PTPRD: variants seen among roughly 807,000 people sequenced by gnomAD.
The protein encoded by PTPRD is receptor-type tyrosine-protein phosphatase delta.
Under a neutral mutation model 214.5 loss-of-function variants are expected in PTPRD, and 34 were observed. That is an observed-to-expected ratio of 0.16 (90% confidence interval 0.12 to 0.21). The LOEUF (loss-of-function observed/expected upper bound fraction) is 0.21. Ranked by LOEUF, PTPRD falls within the 10% of genes least tolerant of loss-of-function variation. PTPRD has a pLI of 1.00. For missense variants in PTPRD, 2,545 were observed against 2,398.7 expected (o/e 1.06, Z -1.27); for synonymous variants, 1,128 against 845.7 (o/e 1.33, Z -5.79).
intron 5 of PTPRD, among the ~76,000 whole-genome samples, chr9:9,778,150 G>A (rs1032850595): frequency 6.6e-6 from 1 of 152,154 alleles, no homozygotes; most frequent in African/African-American, 2.4e-5. Context: ...AAGCTGTGGT[G>A]GATGGAGAGG....
rs2077402422 is a variant in PTPRD at position 9,905,698 on chromosome 9, C to T, written c.-368+32809G>A. Among the ~76,000 whole-genome samples the T allele has an allele frequency of 2.0e-5, 3 of 151,912 alleles. No homozygotes were observed. In the South Asian group the frequency reaches 6.2e-4, roughly 32 times the overall value. Reference sequence around the variant, plus strand: ...ATTTCCTACTGCGTAACTATATTTGCACTACTAATACAGAAGAATTCAAGA... The same window carrying T: ...ATTTCCTACTGCGTAACTATATTTGTACTACTAATACAGAAGAATTCAAGA... On this transcript the variant is annotated intron_variant, in intron 5 of 45. Coordinates refer to ENST00000381196, the MANE Select transcript of PTPRD (RefSeq NM_002839.4).
At chr9:10,602,805 T>C (rs547973520) in intron 2 of PTPRD, among the ~76,000 whole-genome samples, 23 of 151,934 alleles carry the variant, frequency 1.5e-4, no homozygotes, top group African/African-American at 4.3e-4. Flanking sequence ...TTATCTTGCA[T>C]CAGTTAATCA....
intron 12 of PTPRD, among the ~76,000 whole-genome samples, chr9:8,687,882 C>T (rs376546407): frequency 6.6e-6 from 1 of 151,834 alleles, no homozygotes. Context: ...AATTGAGAGG[C>T]CTTGGTTCAA....
intron 8 of PTPRD, among the ~76,000 whole-genome samples, chr9:9,475,447 GA>G (rs1222955009): frequency 6.6e-6 from 1 of 152,192 alleles, no homozygotes; most frequent in Non-Finnish European, 1.5e-5. Flanking sequence ...TCCATCAGGA[GA>G]AATCGAACCT....
At chr9:9,596,053 G>C (rs968129203) in intron 7 of PTPRD, among the ~76,000 whole-genome samples, 4 of 151,958 alleles carry the variant, frequency 2.6e-5, no homozygotes, top group African/African-American at 9.7e-5. Context: ...CCTTATGCAA[G>C]AGTTTGTGTT....
chr9:9,942,895 G>T (rs77415397), intron 4 of PTPRD, among the ~76,000 whole-genome samples: 102 of 120,114 alleles, frequency 8.5e-4, no homozygotes, highest in Middle Eastern at 4.1e-3. Flanking sequence ...GCTCTGAGTT[G>T]TTTTTTTTTT....
At chr9:8,946,022 G>A (rs2099061830) in intron 11 of PTPRD, among the ~76,000 whole-genome samples, 1 of 152,124 alleles carries the variant, frequency 6.6e-6, no homozygotes, top group Admixed American at 6.6e-5. Context: ...TGTTACTCTT[G>A]TAGAAAGAGC....
In PTPRD at chr9:8,319,935, T is replaced by A. The variant is rs1196612596; in HGVS notation, c.5566A>T (p.Thr1856Ser). The change falls in exon 45 of 46, where the codon ACG becomes TCG. Residue 1856 changes from threonine (T) to serine (S), a missense_variant. Thr to Ser is a moderately conservative substitution (Grantham distance 58). Transcript: ENST00000381196. ...AGVGRTGVFI[T>S]LSIVLERMRY... ...ATTCTTTCCAAAACAATGCTTAGCG[T>A]TATGAAGACTCCAGTTCTTCCAACG... The A allele has an allele frequency of 6.2e-7, 1 of 1,612,912 alleles. No homozygotes were observed. Among genetic ancestry groups the A allele is most frequent in the Non-Finnish European group, 8.5e-7 (1 of 1,179,416 alleles).
At chr9:8,751,546 G>C (rs1391631118) in intron 11 of PTPRD, among the ~76,000 whole-genome samples, 1 of 152,178 alleles carries the variant, frequency 6.6e-6, no homozygotes, top group Non-Finnish European at 1.5e-5. Flanking sequence ...CAGGCTATTA[G>C]AAAACAGGGC....
At chr9:8,756,210 CT>C (rs1328485661) in intron 11 of PTPRD, among the ~76,000 whole-genome samples, 4 of 152,280 alleles carry the variant, frequency 2.6e-5, no homozygotes, top group African/African-American at 9.6e-5. Context: ...GGCCAAATCA[CT>C]CCCCTTCTCT....
chr9:8,526,670 A>G (rs761505233), intron 16 of PTPRD, 26 bp from the exon 17 acceptor site: 3 of 1,570,732 alleles, frequency 1.9e-6, no homozygotes, highest in Non-Finnish European at 1.7e-6. Context: ...GAATGCAAAT[A>G]AGATTAGAAA....
intron 9 of PTPRD, among the ~76,000 whole-genome samples, chr9:9,371,461 C>G (rs1426128721): frequency 2.6e-5 from 4 of 151,846 alleles, no homozygotes; most frequent in Non-Finnish European, 5.9e-5. Flanking sequence ...TGGTAATATC[C>G]CCTTTATCAT....
intron 10 of PTPRD, among the ~76,000 whole-genome samples, chr9:9,040,732 T>G (rs1159070197): frequency 6.6e-6 from 1 of 152,200 alleles, no homozygotes; most frequent in African/African-American, 2.4e-5. Context: ...AATATCTGTT[T>G]AAAATAAAAT....
intron 37 of PTPRD, among the ~76,000 whole-genome samples, chr9:8,379,159 G>T (rs986184906): frequency 6.6e-6 from 1 of 152,042 alleles, no homozygotes; most frequent in Non-Finnish European, 1.5e-5. Context: ...TTTTAAAGCG[G>T]ATATGTCTAA....
At chr9:10,558,472 G>C (rs74800983) in intron 2 of PTPRD, among the ~76,000 whole-genome samples, 1,660 of 152,080 alleles carry the variant, frequency 0.011, 30 homozygotes, top group African/African-American at 0.037. Context: ...TCATCATGTT[G>C]TCTGAACCTT....
At chr9:8,674,447 A>C (rs2097357548) in intron 12 of PTPRD, among the ~76,000 whole-genome samples, 1 of 127,604 alleles carries the variant, frequency 7.8e-6, no homozygotes, top group Non-Finnish European at 1.7e-5. Context: ...GCAGAGCAAG[A>C]CGCTGTCTCA....
At chr9:10,207,159 C>A (rs892443308) in intron 3 of PTPRD, among the ~76,000 whole-genome samples, 5 of 152,090 alleles carry the variant, frequency 3.3e-5, no homozygotes, top group Admixed American at 2.6e-4. Context: ...CCTTCCTGGA[C>A]AAAGACCACT....
chr9:9,926,412 A>G (rs945349016), intron 5 of PTPRD, among the ~76,000 whole-genome samples: 4 of 152,128 alleles, frequency 2.6e-5, no homozygotes, highest in Admixed American at 2.0e-4. Context: ...AAAGCCAGGG[A>G]ATATGGAAAG....
At chr9:9,194,905 T>C (rs2099937394) in intron 9 of PTPRD, among the ~76,000 whole-genome samples, 2 of 151,960 alleles carry the variant, frequency 1.3e-5, no homozygotes, top group African/African-American at 4.8e-5. Flanking sequence ...AGTAAGTCAG[T>C]GACACTTTTT....
Sources: gnomAD v4.1 joint callset for allele counts (sites outside exome capture counted in the v4.1 genomes callset) on GRCh38, gnomAD v4.1.1 for gene constraint, MANE v1.5 for transcripts, NCBI Gene and HGNC (gene_info 2026-07-23, HGNC 2026-07-21) for gene names.